Variants in PHF3 observed in about 807,000 individuals in gnomAD.
PHF3 encodes the protein PHD finger protein 3.
In PHF3, 41 loss-of-function variants were observed where a neutral mutation model predicts 178.4. The observed-to-expected ratio is 0.23, with a 90% CI of 0.18 to 0.30. PHF3 has a LOEUF of 0.30. PHF3 is among the 10% of genes least tolerant of loss of function. The pLI, the probability that PHF3 is intolerant of heterozygous loss-of-function variation, is 1.00. For missense variants in PHF3, 2,346 were observed against 2,398.1 expected (o/e 0.98, Z 0.45); for synonymous variants, 842 against 800.5 (o/e 1.05, Z -0.88).
chr6:63,704,235 A>G (rs1241390630), intron 11 of PHF3, among the ~76,000 whole-genome samples: 1 of 152,142 alleles, frequency 6.6e-6, no homozygotes, highest in Non-Finnish European at 1.5e-5. Flanking sequence ...ACAAACCTAC[A>G]TTGAAAAATA....
rs1056976074 is a variant in PHF3, at chr6:63,723,479, T to C, written c.*9771T>C. ...TGCTCCTTGTGTTGTAGAGTGTTCCTGTAGTAAACAATTTTATAGTGAAGA... is the reference window on the plus strand; with the variant it reads ...TGCTCCTTGTGTTGTAGAGTGTTCCCGTAGTAAACAATTTTATAGTGAAGA... On this transcript the variant is annotated 3_prime_UTR_variant, in exon 16 of 16. Transcript: ENST00000262043. 5.9e-5 allele frequency among the ~76,000 whole-genome samples: 9 copies of C among 152,142 alleles called. No individual in the cohort carries two copies. Among genetic ancestry groups the C allele is most frequent in the African/African-American group, 2.2e-4 (9 of 41,440 alleles).
intron 11 of PHF3, 72 bp from the exon 12 acceptor site, chr6:63,705,957 G>T: frequency 2.5e-6 from 3 of 1,193,976 alleles, no homozygotes; most frequent in Admixed American, 2.4e-5. Context: ...AATAACTTTA[G>T]AAAGTGAAAA....
Position 63,716,521 on chromosome 6 carries a change from C to T in PHF3, c.*2813C>T, listed in dbSNP as rs1017602624. 6.6e-6 allele frequency among the ~76,000 whole-genome samples: 1 copy of T among 152,058 alleles called. No individual in the cohort carries two copies. Among genetic ancestry groups the T allele is most frequent in the African/African-American group, 2.4e-5 (1 of 41,408 alleles). On this transcript the variant is annotated 3_prime_UTR_variant, in exon 16 of 16. Transcript: ENST00000262043. ...AATTCTCTATTCCTGTTTTCTATTG[C>T]TGTTGTGATGAATTACTACAAGTGT...
chr6:63,701,378 A>G (rs1767469048), intron 9 of PHF3, among the ~76,000 whole-genome samples: 1 of 152,234 alleles, frequency 6.6e-6, no homozygotes, highest in Admixed American at 6.5e-5. Context: ...ACTCACAGAT[A>G]GCAAGAATTT....
chr6:63,646,922 G>A, intron 2 of PHF3, 127 bp downstream of exon 2: 1 of 624,214 alleles, frequency 1.6e-6, no homozygotes. Flanking sequence ...GTAAATTTAG[G>A]GTTATTTCCT....
chr6:63,694,148 A>G (rs1003159782), intron 5 of PHF3, among the ~76,000 whole-genome samples: 1 of 152,178 alleles, frequency 6.6e-6, no homozygotes, highest in Admixed American at 6.5e-5. Flanking sequence ...GTGGATTATA[A>G]TTAGAACCAG....
At chr6:63,636,726 A>G (rs1428808097) in intron 1 of PHF3, 1 of 152,152 alleles carries the variant, frequency 6.6e-6, no homozygotes, top group Non-Finnish European at 1.5e-5. Flanking sequence ...TGTGCCCGGG[A>G]CTCAAACTGT....
At position 63,702,815 on chromosome 6, in the gene PHF3, T is replaced by C. The variant is rs567253709; in HGVS notation, c.3231+176T>C. On this transcript the variant is annotated intron_variant, in intron 10 of 15. Transcript: ENST00000262043. ...GTTGAGTAATGTCTCTCAAATTGCA[T>C]TATAGGTACCTGTTGAACAGTTATT... Among the ~76,000 whole-genome samples, 45 of 152,336 alleles carry C rather than the reference T, an allele frequency of 3.0e-4. No homozygotes were observed. In the South Asian group the frequency reaches 8.9e-3, roughly 30 times the overall value.
rs755638399 is a variant in PHF3, at chr6:63,712,259, T to C, written c.4671T>C (p.Ser1557=). Reference sequence around the variant, plus strand: ...CCATTTCTGCAGGGTCTTTGACGAGTCTTAGTCTCAGAGGTAAGCCACCAG... The same window carrying C: ...CCATTTCTGCAGGGTCTTTGACGAGCCTTAGTCTCAGAGGTAAGCCACCAG... The part of the protein sequence containing the change: ...SSSISAGSLT[S]LSLRGKPPDV... The change falls in exon 16 of 16, where the codon AGT becomes AGC. Residue 1557 remains serine (S), a synonymous_variant. Transcript: ENST00000262043. The C allele has an allele frequency of 2.5e-6, 4 of 1,613,742 alleles. No individual in the cohort carries two copies. The East Asian group carries it at 8.9e-5, about 36-fold the overall frequency.
chr6:63,638,730 C>T (rs894141628), intron 1 of PHF3, among the ~76,000 whole-genome samples: 8 of 151,968 alleles, frequency 5.3e-5, no homozygotes, highest in Non-Finnish European at 1.2e-4. Context: ...CTCTGTTTCT[C>T]TTATTTCTTC....
intron 2 of PHF3, among the ~76,000 whole-genome samples, chr6:63,653,983 A>G (rs1275610842): frequency 2.6e-5 from 4 of 152,154 alleles, no homozygotes; most frequent in Non-Finnish European, 5.9e-5. Context: ...GATAAATGCT[A>G]CTTGATTGTG....
Position 63,717,521 on chromosome 6 carries a change from C to CAAAG in PHF3, c.*3815_*3816insAGAA, listed in dbSNP as rs61096472. ...CCCTAATTCTTTGATTTCTGTTTCA[C>CAAAG]AATTATAGTAATATGTAGAGCAAAA... On this transcript the variant is annotated 3_prime_UTR_variant, in exon 16 of 16. Coordinates refer to ENST00000262043, the MANE Select transcript of PHF3 (RefSeq NM_001370348.2). 0.16 allele frequency among the ~76,000 whole-genome samples: 23,799 copies of CAAAG among 151,722 alleles called. 2,218 individuals carry two copies. Among genetic ancestry groups the CAAAG allele is most frequent in the African/African-American group, 0.27 (11,056 of 41,326 alleles).
In PHF3 at chr6:63,698,445, T is replaced by C. The variant is rs374212392; in HGVS notation, c.2826-4T>C. ...AAAAATAATTGAATTGTTCTAATTT[T>C]AAGACTTACAGACTCAAATTTGAAG... On this transcript the variant is annotated splice_polypyrimidine_tract_variant and splice_region_variant and intron_variant, in intron 7 of 15. Coordinates refer to ENST00000262043, the MANE Select transcript of PHF3 (RefSeq NM_001370348.2). The C allele has an allele frequency of 6.9e-5, 110 of 1,590,552 alleles. No individual in the cohort carries two copies. In the African/African-American group the frequency reaches 1.5e-3, roughly 21 times the overall value.
Position 63,685,838 on chromosome 6 carries a change from T to G in PHF3, c.2116T>G (p.Ser706Ala). ...TIRREGSDHSSSFESKYMWTP... is the reference protein window; with the variant it reads ...TIRREGSDHSASFESKYMWTP... ...AAGAAGAGAAGGCTCTGATCATAGC[T>G]CCTCATTTGAAAGCAAATATATGTG... Residue 706 changes from serine to alanine, a missense_variant, in exon 4 of 16, where the codon TCC becomes GCC. Ser to Ala is a moderately conservative substitution (Grantham distance 99, BLOSUM62 1). Transcript: ENST00000262043. 2 of 1,613,642 alleles carry G rather than the reference T, an allele frequency of 1.2e-6. No individual in the cohort carries two copies. Among genetic ancestry groups the G allele is most frequent in the South Asian group, 2.2e-5 (2 of 91,082 alleles).
In PHF3 at chr6:63,717,669, C is replaced by T. The variant is rs1025507279; in HGVS notation, c.*3961C>T. Among the ~76,000 whole-genome samples, 2 of 151,962 alleles carry T rather than the reference C, an allele frequency of 1.3e-5. No individual in the cohort carries two copies. Among genetic ancestry groups the T allele is most frequent in the African/African-American group, 4.8e-5 (2 of 41,402 alleles). On this transcript the variant is annotated 3_prime_UTR_variant, in exon 16 of 16. Coordinates refer to ENST00000262043, the MANE Select transcript of PHF3 (RefSeq NM_001370348.2). ...CATTGAGGGAAATAGCCTAAGCACT[C>T]AAAGGGCAGTGAATCCAATATAACT...
At position 63,719,661 on chromosome 6, in the gene PHF3, G is replaced by A. The variant is rs1768298181; in HGVS notation, c.*5953G>A. ...TGCTATCAACAGTACTAAATTGTTA[G>A]GATAGTAATTTTCCATGGCATTGTT... On this transcript the variant is annotated 3_prime_UTR_variant, in exon 16 of 16. Transcript: ENST00000262043. Among the ~76,000 whole-genome samples the A allele has an allele frequency of 6.6e-6, 1 of 152,054 alleles. No homozygotes were observed. The highest frequency in any genetic ancestry group is 2.4e-5 in the African/African-American group (1 of 41,430).
At chr6:63,644,139 G>A (rs1199406827) in intron 1 of PHF3, among the ~76,000 whole-genome samples, 1 of 152,158 alleles carries the variant, frequency 6.6e-6, no homozygotes, top group African/African-American at 2.4e-5. Flanking sequence ...AGTAGATTCA[G>A]TATACCGTTT....
Position 63,706,759 on chromosome 6 carries a change from G to A in PHF3, c.3594G>A (p.Glu1198=). The A allele has an allele frequency of 2.5e-6, 4 of 1,613,802 alleles. No individual in the cohort carries two copies. Among genetic ancestry groups the A allele is most frequent in the Non-Finnish European group, 3.4e-6 (4 of 1,179,874 alleles). Residue 1198 remains glutamate (E), a synonymous_variant, in exon 13 of 16, where the codon GAG becomes GAA. Transcript: ENST00000262043. ...AGATGCCTGGAACTGTTGAAGTTGA[G>A]TCTACCTTTCTGGCTCGATTGAACT... The part of the protein sequence containing the change: ...RPEMPGTVEV[E]STFLARLNFI...
At chr6:63,662,131 G>C (rs541254600) in intron 2 of PHF3, among the ~76,000 whole-genome samples, 1 of 152,070 alleles carries the variant, frequency 6.6e-6, no homozygotes, top group African/African-American at 2.4e-5. Context: ...GTGATGATCT[G>C]AGGTGGAACA....
Sources: gnomAD v4.1 joint callset for allele counts (sites outside exome capture counted in the v4.1 genomes callset) on GRCh38, gnomAD v4.1.1 for gene constraint, MANE v1.5 for transcripts, NCBI Gene and HGNC (gene_info 2026-07-23, HGNC 2026-07-21) for gene names.